The following TAP2 variants were observed in gnomAD, a reference collection of about 807,000 sequenced individuals.
TAP2 encodes the protein antigen peptide transporter 2.
Under a neutral mutation model 74.7 loss-of-function variants are expected in TAP2, and 49 were observed. The observed-to-expected ratio is 0.66, with a 90% CI of 0.52 to 0.83. TAP2 has a LOEUF of 0.83. Ranked by LOEUF, TAP2 falls within the 40% of genes least tolerant of loss-of-function variation. TAP2 has a pLI of 0.00. For synonymous variants in TAP2, 306 were observed against 368.4 expected (o/e 0.83, Z 1.94); for missense variants, 739 against 859.0 (o/e 0.86, Z 1.75).
In TAP2 at chr6:32,827,856, A is replaced by C; in HGVS notation, c.*1050T>G. The C allele has an allele frequency of 4.6e-6, 4 of 865,964 alleles. 2 individuals are homozygous for C. Among genetic ancestry groups the C allele is most frequent in the Non-Finnish European group, 5.3e-6 (4 of 752,120 alleles). The allele number at this position is 865,964 out of a possible 1,614,324, so 53.6% of individuals were successfully genotyped here. ...TGACTTTGTGAAGAATGGCCGGAAG[A>C]GGGAAGCTAATGGTAGAGAAACCTC... On this transcript the variant is annotated 3_prime_UTR_variant, in exon 12 of 12. Coordinates refer to ENST00000374897, the MANE Select transcript of TAP2 (RefSeq NM_001290043.2).
rs983565841 is a variant in TAP2, at chr6:32,835,471, C to T, written c.740-112G>A. 6.9e-7 allele frequency: 1 copy of T among 1,445,074 alleles called. No homozygotes were observed. The highest frequency in any genetic ancestry group is 9.6e-7 in the Non-Finnish European group (1 of 1,042,158). The allele number at this position is 1,445,074 out of a possible 1,614,324, so 89.5% of individuals were successfully genotyped here. Reference sequence around the variant, plus strand: ...ACAGCCCCCTCCTCTGAACATCCTCCTTCACTTGCAGAGGGACAGTGGAGG... The same window carrying T: ...ACAGCCCCCTCCTCTGAACATCCTCTTTCACTTGCAGAGGGACAGTGGAGG... On this transcript the variant is annotated intron_variant, in intron 4 of 11. Coordinates refer to ENST00000374897, the MANE Select transcript of TAP2 (RefSeq NM_001290043.2). The surrounding 1 kb of genome is among the most constrained non-coding windows in gnomAD (Gnocchi z 4.0).
downstream of TAP2, chr6:32,822,037 T>C: frequency 2.0e-6 from 1 of 489,764 alleles, no homozygotes; most frequent in Non-Finnish European, 3.7e-6. Context: ...AAACTCATGA[T>C]CCCACCTAGT....
downstream of TAP2, among the ~76,000 whole-genome samples, chr6:32,825,126 T>TTATATA (rs28381588): frequency 2.1e-5 from 3 of 140,786 alleles, no homozygotes; most frequent in Non-Finnish European, 3.1e-5. Context: ...TGTCTGTTGG[T>TTATATA]TATATACATA....
chr6:32,822,366 T>C, downstream of TAP2: 1 of 1,217,486 alleles, frequency 8.2e-7, no homozygotes, highest in Non-Finnish European at 1.2e-6. Flanking sequence ...TGGGTGTTTT[T>C]TAATCTGTGC....
Position 32,827,487 on chromosome 6 carries a change from G to A in TAP2, c.*1419C>T, listed in dbSNP as rs1313232777. On this transcript the variant is annotated 3_prime_UTR_variant, in exon 12 of 12. Coordinates refer to ENST00000374897, the MANE Select transcript of TAP2 (RefSeq NM_001290043.2). ...GAAAGGGAAGATAGAACTTTAAAAG[G>A]GCTGTGAAAGAGGTAACCGCACAGT... 11 of 410,440 alleles carry A rather than the reference G, an allele frequency of 2.7e-5. No individual in the cohort carries two copies. Among genetic ancestry groups the A allele is most frequent in the African/African-American group, 4.3e-5 (2 of 46,112 alleles). 25.4% of individuals were successfully genotyped at this position (410,440 alleles called of 1,614,324 possible).
chr6:32,822,049 A>G (rs372660031), downstream of TAP2: 163 of 535,152 alleles, frequency 3.0e-4, 23 homozygotes, highest in East Asian at 1.2e-3. Flanking sequence ...CCACCTAGTG[A>G]GAATCCATTT....
Position 32,828,708 on chromosome 6 carries a change from C to T in TAP2, c.*198G>A. ...CCCACCCCACCCCACCTCTCTACCC[C>T]ACCAAAAGCACACAGTGTCCAAATC... On this transcript the variant is annotated 3_prime_UTR_variant, in exon 12 of 12. Transcript: ENST00000374897. 1.9e-6 allele frequency: 2 copies of T among 1,043,850 alleles called. No homozygotes were observed. The highest frequency in any genetic ancestry group is 2.3e-6 in the Non-Finnish European group (2 of 863,274). The allele number at this position is 1,043,850 out of a possible 1,614,324, so 64.7% of individuals were successfully genotyped here.
At chr6:32,831,552 A>AC (rs1769078070) in intron 7 of TAP2, among the ~76,000 whole-genome samples, 1 of 152,102 alleles carries the variant, frequency 6.6e-6, no homozygotes, top group African/African-American at 2.4e-5. Context: ...ACCAAAAAAA[A>AC]CCCCTCAATC....
In TAP2 at chr6:32,828,691, A is replaced by ACCCCCCCCCCCCC; in HGVS notation, c.*214_*215insGGGGGGGGGGGGG. 1 of 601,268 alleles carries ACCCCCCCCCCCCC rather than the reference A, an allele frequency of 1.7e-6. No individual in the cohort carries two copies. The highest frequency in any genetic ancestry group is 2.0e-6 in the Non-Finnish European group (1 of 510,136). The allele number at this position is 601,268 out of a possible 1,614,324, so 37.2% of individuals were successfully genotyped here. On this transcript the variant is annotated 3_prime_UTR_variant, in exon 12 of 12. Transcript: ENST00000374897. ...ACACAGACAGCCCCCACCCCACCCC[A>ACCCCCCCCCCCCC]CCCCACCTCTCTACCCCACCAAAAG...
At position 32,835,885 on chromosome 6, in the gene TAP2, T is replaced by C. The variant is rs560885066; in HGVS notation, c.609-112A>G. 59 of 1,396,230 alleles carry C rather than the reference T, an allele frequency of 4.2e-5. No homozygotes were observed. In the South Asian group the frequency reaches 6.8e-4, roughly 16 times the overall value. 86.5% of individuals were successfully genotyped at this position (1,396,230 alleles called of 1,614,324 possible). A position where few individuals can be genotyped will look rare whatever the true frequency, so the allele number is the denominator to read the frequency against. The stretch of plus-strand genomic sequence containing the variant: ...AGAAGCGCAAAGTCAGGGGAAAGCA[T>C]GCCAGGAGGGGCAAAAGAGAAAGAA... On this transcript the variant is annotated intron_variant, in intron 3 of 11. Transcript: ENST00000374897. This position sits in a 1 kb window ranked among gnomAD's most constrained non-coding sequence, Gnocchi z 4.0.
At chr6:32,822,178 C>T (rs73410776), downstream of TAP2, 52,078 of 897,406 alleles carry the variant, frequency 0.058, 2,467 homozygotes, top group African/African-American at 0.22. Flanking sequence ...CTCAATTTCC[C>T]TGTGATGGTT....
chr6:32,830,764 C>T lies in TAP2; in HGVS notation c.1315G>A (p.Ala439Thr), dbSNP rs775343681. The T allele has an allele frequency of 6.2e-7, 1 of 1,612,820 alleles. No individual in the cohort carries two copies. Among genetic ancestry groups the T allele is most frequent in the Non-Finnish European group, 8.5e-7 (1 of 1,179,958 alleles). ...IYGDMLSNVG[A>T]AEKVFSYMDR... ...ATGTAGGAGAAAACCTTCTCTGCAG[C>T]TCCCACGTTGCTGAGCATATCCCCA... Residue 439 changes from alanine to threonine, a missense_variant, in exon 8 of 12, where the codon GCT (alanine) becomes ACT (threonine). Ala to Thr is a moderately conservative substitution (Grantham distance 58). Transcript: ENST00000374897.
Position 32,838,160 on chromosome 6 carries a change from C to A in TAP2, c.74G>T (p.Gly25Val), listed in dbSNP as rs763974700. Residue 25 changes from glycine (G) to valine (V), a missense_variant, in exon 2 of 12, where the codon GGC (glycine) becomes GTC (valine). By Grantham distance (109) the Gly-to-Val change is moderately radical. Coordinates refer to ENST00000374897, the MANE Select transcript of TAP2 (RefSeq NM_001290043.2). ...TTGAGGAAGCAAAGTCCCCAGAGGG[C>A]CCTGAAGCAGCCACAGTAAAGCCGC... ...VDAALLWLLQ[G>V]PLGTLLPQGL... The A allele has an allele frequency of 1.2e-6, 2 of 1,601,750 alleles. No homozygotes were observed. Among genetic ancestry groups the A allele is most frequent in the African/African-American group, 1.3e-5 (1 of 74,204 alleles).
Position 32,825,565 on chromosome 6 carries a change from A to AC in TAP2, c.*3340_*3341insG. ...TAAACTTCTCTGGAAAGATAAACAC[A>AC]AAGCTGGAAGAACGGATTGCCTATG... On this transcript the variant is annotated 3_prime_UTR_variant, in exon 12 of 12. Coordinates refer to ENST00000374897, the MANE Select transcript of TAP2 (RefSeq NM_001290043.2). 6.6e-6 allele frequency: 1 copy of AC among 152,380 alleles called. No individual in the cohort carries two copies. Among genetic ancestry groups the AC allele is most frequent in the East Asian group, 1.9e-4 (1 of 5,190 alleles). 9.4% of individuals were successfully genotyped at this position (152,380 alleles called of 1,614,324 possible).
chr6:32,829,796 G>GGA, intron 10 of TAP2, 134 bp downstream of exon 10: 3 of 1,264,566 alleles, frequency 2.4e-6, no homozygotes, highest in Non-Finnish European at 3.4e-6. Flanking sequence ...GTGTGGGGAA[G>GGA]GAGACGTAGG....
In TAP2 at chr6:32,835,098, C is replaced by T; in HGVS notation, c.945+56G>A. On this transcript the variant is annotated intron_variant, in intron 5 of 11. Transcript: ENST00000374897. The surrounding 1 kb of genome is among the most constrained non-coding windows in gnomAD (Gnocchi z 4.0). ...GATCCTCTAGCCACAAATGTGGAAG[C>T]CTCCTCACCTGTCAGTTTTATTCTC... is the stretch of plus-strand genomic sequence containing the variant. 2 of 1,579,092 alleles carry T rather than the reference C, an allele frequency of 1.3e-6. No homozygotes were observed. Among genetic ancestry groups the T allele is most frequent in the African/African-American group, 2.7e-5 (2 of 74,260 alleles).
At chr6:32,830,543 A>G (rs1351202953) in intron 8 of TAP2, 75 bp downstream of exon 8, 1 of 1,603,938 alleles carries the variant, frequency 6.2e-7, no homozygotes, top group Non-Finnish European at 8.5e-7. Flanking sequence ...AGGCAAATGA[A>G]CTATAGGCTG....
Position 32,835,418 on chromosome 6 carries a change from A to T in TAP2, c.740-59T>A. ...ACCATGTGTACTGCAGGGCCCCCAG[A>T]AACTCCCTCCTGACCGTTCCCTCTG... On this transcript the variant is annotated intron_variant, in intron 4 of 11. Transcript: ENST00000374897. This position sits in a 1 kb window ranked among gnomAD's most constrained non-coding sequence, Gnocchi z 4.0. 6.3e-7 allele frequency: 1 copy of T among 1,583,124 alleles called. No individual in the cohort carries two copies. Among genetic ancestry groups the T allele is most frequent in the Non-Finnish European group, 8.7e-7 (1 of 1,154,964 alleles).
In TAP2 at chr6:32,829,021, TTCCAG is replaced by T. The variant is rs1768858413; in HGVS notation, c.1941_1945del (p.Asp647GlufsTer91). The T allele has an allele frequency of 6.5e-7, 1 of 1,549,030 alleles. No individual in the cohort carries two copies. Among genetic ancestry groups the T allele is most frequent in the Non-Finnish European group, 8.7e-7 (1 of 1,146,422 alleles). The stretch of plus-strand genomic sequence containing the variant: ...CAGCACTGTGCGATCCCCACGGGAA[TTCCAG>T]TCCTGCAGCTGAAGGGGTGATCACA... On this transcript the variant is annotated frameshift_variant, in exon 12 of 12. Transcript: ENST00000374897. LOFTEE classifies it high-confidence loss of function.
Sources: allele counts gnomAD v4.1 joint callset (sites outside exome capture counted in the v4.1 genomes callset), GRCh38; gene constraint gnomAD v4.1.1; non-coding constraint Gnocchi (gnomAD v3.1); transcripts MANE v1.5; gene names NCBI Gene and HGNC (gene_info 2026-07-23, HGNC 2026-07-21).